The following SDK1 variants were observed in gnomAD, a reference collection of about 807,000 sequenced individuals.
SDK1 encodes sidekick cell adhesion molecule 1, also known as protein sidekick-1.
A neutral mutation model predicts 245.5 loss-of-function variants in SDK1; 157 were observed. The observed-to-expected ratio is 0.64, with a 90% CI of 0.56 to 0.73. The LOEUF is 0.73. SDK1 is among the 30% of genes least tolerant of loss of function. SDK1 has a pLI of 0.00. For missense variants in SDK1, 3,583 were observed against 3,002.3 expected, an observed-to-expected ratio of 1.19 and a Z score of -4.52; for synonymous variants, 1,647 against 1,278.5, an observed-to-expected ratio of 1.29 and a Z score of -6.15.
At chr7:4,182,899 C>G (rs1782678160) in intron 35 of SDK1, among the ~76,000 whole-genome samples, 1 of 152,228 alleles carries the variant, frequency 6.6e-6, no homozygotes, top group South Asian at 2.1e-4. Context: ...GCCTGCAGCA[C>G]AGACAAAACC....
chr7:3,464,121 G>T (rs1231227432), intron 1 of SDK1, among the ~76,000 whole-genome samples: 1 of 152,126 alleles, frequency 6.6e-6, no homozygotes. Flanking sequence ...TTATTTCTGA[G>T]AACAATTACA....
chr7:3,854,364 T>A (rs1459792900), intron 5 of SDK1, among the ~76,000 whole-genome samples: 2 of 152,208 alleles, frequency 1.3e-5, no homozygotes, highest in African/African-American at 4.8e-5. Context: ...TTATAGAGTA[T>A]GTGTGCAGAT....
At chr7:4,098,799 G>A (rs1396004385) in intron 22 of SDK1, among the ~76,000 whole-genome samples, 1 of 148,668 alleles carries the variant, frequency 6.7e-6, no homozygotes, top group African/African-American at 2.5e-5. Flanking sequence ...GAGTAGCTGG[G>A]ATTACAGGAG....
At chr7:3,349,080 C>T (rs774363598) in intron 1 of SDK1, among the ~76,000 whole-genome samples, 1 of 152,060 alleles carries the variant, frequency 6.6e-6, no homozygotes, top group Non-Finnish European at 1.5e-5. Flanking sequence ...TTGAAGTGCA[C>T]TTCAGTTTTG....
At chr7:3,829,655 G>A (rs1583457057) in intron 5 of SDK1, among the ~76,000 whole-genome samples, 1 of 152,188 alleles carries the variant, frequency 6.6e-6, no homozygotes, top group South Asian at 2.1e-4. Context: ...GTGTCCAAGA[G>A]AGAAGCCCAA....
intron 14 of SDK1, among the ~76,000 whole-genome samples, chr7:4,004,073 C>A (rs901246383): frequency 3.3e-5 from 5 of 152,192 alleles, no homozygotes; most frequent in African/African-American, 1.2e-4. Flanking sequence ...ATCATTTTAT[C>A]CCCCTCAAGG....
intron 1 of SDK1, among the ~76,000 whole-genome samples, chr7:3,345,234 A>T (rs1780461808): frequency 6.6e-6 from 1 of 152,194 alleles, no homozygotes; most frequent in Non-Finnish European, 1.5e-5. Context: ...GCTTATGCTG[A>T]TACCTATTTC....
intron 19 of SDK1, among the ~76,000 whole-genome samples, chr7:4,057,828 C>G (rs929372467): frequency 6.6e-6 from 1 of 152,172 alleles, no homozygotes; most frequent in African/African-American, 2.4e-5. Flanking sequence ...TATATGGAGA[C>G]TACACTACTG....
At chr7:3,586,281 C>T (rs985012957) in intron 1 of SDK1, among the ~76,000 whole-genome samples, 2 of 151,968 alleles carry the variant, frequency 1.3e-5, no homozygotes, top group South Asian at 2.1e-4. Flanking sequence ...TCCGAAAGAG[C>T]CCGCCCTAGG....
At chr7:3,953,627 A>C (rs1356791502) in intron 7 of SDK1, among the ~76,000 whole-genome samples, 3 of 152,242 alleles carry the variant, frequency 2.0e-5, no homozygotes, top group African/African-American at 4.8e-5. Flanking sequence ...AAGGTAATTT[A>C]AACAAGAGAA....
At chr7:4,260,403 G>A (rs13242244) in intron 44 of SDK1, among the ~76,000 whole-genome samples, 2 of 107,176 alleles carry the variant, frequency 1.9e-5, no homozygotes, top group Non-Finnish European at 1.9e-5. Context: ...CCGGGGCCTC[G>A]GTGTGTGTGG....
chr7:3,581,969 A>G (rs943485512), intron 1 of SDK1, among the ~76,000 whole-genome samples: 3 of 152,228 alleles, frequency 2.0e-5, no homozygotes, highest in Non-Finnish European at 4.4e-5. Context: ...ATAGAGGGGA[A>G]CAGACACCGG....
chr7:3,523,203 T>C (rs1304958965), intron 1 of SDK1, among the ~76,000 whole-genome samples: 1 of 152,216 alleles, frequency 6.6e-6, no homozygotes, highest in Non-Finnish European at 1.5e-5. Context: ...CTGAATGATG[T>C]AATGTTAAAG....
intron 1 of SDK1, among the ~76,000 whole-genome samples, chr7:3,433,824 C>A (rs1215891931): frequency 6.6e-6 from 1 of 152,170 alleles, no homozygotes; most frequent in Non-Finnish European, 1.5e-5. Context: ...ACAAGCTTGA[C>A]AACCTTACAG....
intron 17 of SDK1, among the ~76,000 whole-genome samples, chr7:4,018,226 G>A (rs1284283613): frequency 6.6e-6 from 1 of 152,184 alleles, no homozygotes; most frequent in Non-Finnish European, 1.5e-5. Context: ...ATTTGCTTAG[G>A]CATTTTTATT....
intron 1 of SDK1, among the ~76,000 whole-genome samples, chr7:3,615,984 A>G (rs1159842204): frequency 6.6e-6 from 1 of 151,874 alleles, no homozygotes; most frequent in African/African-American, 2.4e-5. Flanking sequence ...TCCTTGGGTC[A>G]AGTAATCCCT....
chr7:3,391,514 T>G (rs1307072341), intron 1 of SDK1, among the ~76,000 whole-genome samples: 4 of 152,146 alleles, frequency 2.6e-5, no homozygotes, highest in African/African-American at 7.2e-5. Context: ...AAAAATTTCT[T>G]TCCACAAAGG....
At chr7:3,412,212 G>C (rs1182187283) in intron 1 of SDK1, among the ~76,000 whole-genome samples, 1 of 152,164 alleles carries the variant, frequency 6.6e-6, no homozygotes, top group Non-Finnish European at 1.5e-5. Context: ...AGCATCTACA[G>C]TGAAAAGCCC....
At chr7:3,537,708 G>A (rs920700419) in intron 1 of SDK1, among the ~76,000 whole-genome samples, 1 of 152,174 alleles carries the variant, frequency 6.6e-6, no homozygotes, top group Admixed American at 6.5e-5. Context: ...TCTGTGCTGT[G>A]GAGTCCAGGA....
Sources: gnomAD v4.1 joint callset for allele counts (sites outside exome capture counted in the v4.1 genomes callset) on GRCh38, gnomAD v4.1.1 for gene constraint, MANE v1.5 for transcripts, NCBI Gene and HGNC (gene_info 2026-07-23, HGNC 2026-07-21) for gene names.